Variants in DMD observed in about 807,000 individuals in gnomAD.
The protein encoded by DMD is mutant dystrophin.
DMD carries 63 observed loss-of-function variants against 330.1 expected under a neutral mutation model. That is an observed-to-expected ratio of 0.19 (90% CI 0.16 to 0.24). The LOEUF (loss-of-function observed/expected upper bound fraction) is 0.24, where lower values mean the gene tolerates loss of function less well. Among genes scored for constraint, DMD ranks in the 10% least tolerant of loss-of-function variants. The pLI is 1.00. For synonymous variants in DMD, 1,223 were observed against 959.8 expected (o/e 1.27, Z -5.07); for missense variants, 3,344 against 2,684.1 (o/e 1.25, Z -5.43).
intron 43 of DMD, among the ~76,000 whole-genome samples, chrX:32,234,778 G>T: frequency 9.0e-6 from 1 of 110,910 alleles, no homozygotes; most frequent in African/African-American, 3.3e-5. Context: ...AATTCATAAG[G>T]TTTCTTTATT....
chrX:31,867,355 T>C (rs1033657938), intron 48 of DMD, among the ~76,000 whole-genome samples: 2 of 110,707 alleles, frequency 1.8e-5, no homozygotes, highest in Admixed American at 9.7e-5. Context: ...TTTACCGTCA[T>C]GTGGCCTTCT....
At chrX:32,828,486 GATACATCT>G (rs2078907043) in intron 4 of DMD, among the ~76,000 whole-genome samples, 1 of 109,071 alleles carries the variant, frequency 9.2e-6, no homozygotes, top group Non-Finnish European at 1.9e-5. Flanking sequence ...TGCTCTAGTA[GATACATCT>G]ATACATATAT....
chrX:31,771,141 T>TAACAAA (rs765074564), intron 51 of DMD, among the ~76,000 whole-genome samples: 149 of 111,385 alleles, frequency 1.3e-3, no homozygotes, highest in African/African-American at 4.8e-3. Context: ...CCTGAAATTA[T>TAACAAA]AACAAAATCC....
chrX:32,625,036 T>C (rs2058255395), intron 11 of DMD, among the ~76,000 whole-genome samples: 1 of 111,759 alleles, frequency 8.9e-6, no homozygotes, highest in South Asian at 3.8e-4. Context: ...CCGGGAGTGG[T>C]GGCACATGCC....
chrX:31,693,410 G>C (rs773466459), intron 52 of DMD, among the ~76,000 whole-genome samples: 4 of 111,260 alleles, frequency 3.6e-5, no homozygotes, highest in Non-Finnish European at 7.6e-5. Flanking sequence ...CTTAGTACTG[G>C]GAGTCCTAGC....
At chrX:32,856,154 C>A (rs909100494) in intron 2 of DMD, among the ~76,000 whole-genome samples, 2 of 111,819 alleles carry the variant, frequency 1.8e-5, no homozygotes, top group Non-Finnish European at 3.8e-5. Context: ...AACAGACAGG[C>A]AACATCAATG....
chrX:31,826,426 AAG>A (rs1362501426), intron 49 of DMD, among the ~76,000 whole-genome samples: 1 of 112,374 alleles, frequency 8.9e-6, no homozygotes, highest in African/African-American at 3.2e-5. Flanking sequence ...CTACTTTTTC[AAG>A]AGTTTGGTGT....
intron 12 of DMD, among the ~76,000 whole-genome samples, chrX:32,612,547 T>C (rs976887418): frequency 6.3e-5 from 7 of 111,395 alleles, no homozygotes; most frequent in African/African-American, 2.3e-4. Context: ...AGCCAACGGG[T>C]TGGACACCCC....
At chrX:33,295,531 T>G (rs5928228) in intron 1 of DMD, among the ~76,000 whole-genome samples, 1 of 110,494 alleles carries the variant, frequency 9.1e-6, no homozygotes, top group East Asian at 2.8e-4. Context: ...TAAATACAAA[T>G]AGTGACATAG....
intron 63 of DMD, among the ~76,000 whole-genome samples, chrX:31,225,369 T>C (rs2046475922): frequency 8.9e-6 from 1 of 112,654 alleles, no homozygotes. Context: ...TTAATTTTCC[T>C]AATTAATAGT....
chrX:33,072,138 C>T (rs1172212729), intron 1 of DMD, among the ~76,000 whole-genome samples: 4 of 112,202 alleles, frequency 3.6e-5, no homozygotes, highest in African/African-American at 1.3e-4. Flanking sequence ...TGGTCACAGG[C>T]CCAGCGCGGT....
intron 1 of DMD, among the ~76,000 whole-genome samples, chrX:33,064,057 T>C (rs145887153): frequency 0.02 from 2,278 of 111,550 alleles, 20 homozygotes; most frequent in Non-Finnish European, 0.032. Flanking sequence ...ATAGACATAA[T>C]TGATTGCCTT....
At position 32,821,443 on chromosome X, in the gene DMD, C is replaced by G. The variant is rs58609354; in HGVS notation, c.357+1852G>C. Among the ~76,000 whole-genome samples the G allele has an allele frequency of 8.3e-4, 59 of 71,297 alleles. 1 individual carries two copies. The highest frequency in any genetic ancestry group is 1.3e-3 in the Non-Finnish European group (49 of 36,776). The allele number at this position is 71,297 out of a possible 115,157, so 61.9% of individuals were successfully genotyped here. The stretch of plus-strand genomic sequence containing the variant: ...ACTAAAAATACAAAAAAAAATTAGC[C>G]GGGCGTGGTGGGGGGGCGCCTGTAG... On this transcript the variant is annotated intron_variant, in intron 5 of 78. Coordinates refer to ENST00000357033, the MANE Select transcript of DMD (RefSeq NM_004006.3).
intron 44 of DMD, chrX:32,205,943 T>C (rs1217996536): frequency 1.5e-5 from 6 of 391,232 alleles, no homozygotes; most frequent in Non-Finnish European, 2.8e-5. Context: ...ACTATCTTTT[T>C]GGTTGTGAAC....
intron 2 of DMD, among the ~76,000 whole-genome samples, chrX:32,937,815 G>A (rs759719136): frequency 1.8e-5 from 2 of 110,314 alleles, no homozygotes; most frequent in African/African-American, 6.6e-5. Flanking sequence ...AAGCACTGAG[G>A]TAACCAATAT....
At chrX:32,569,282 A>C (rs1053906952) in intron 15 of DMD, among the ~76,000 whole-genome samples, 4 of 112,111 alleles carry the variant, frequency 3.6e-5, no homozygotes, top group African/African-American at 1.3e-4. Flanking sequence ...AGGAATACGC[A>C]TAAGAGAATA....
At chrX:31,500,307 C>T (rs2070311461) in intron 56 of DMD, among the ~76,000 whole-genome samples, 1 of 112,380 alleles carries the variant, frequency 8.9e-6, no homozygotes, top group Non-Finnish European at 1.9e-5. Flanking sequence ...ATTCTATCAA[C>T]AATCTCTGCT....
intron 9 of DMD, among the ~76,000 whole-genome samples, chrX:32,685,709 G>A (rs1036502730): frequency 7.2e-5 from 8 of 111,564 alleles, no homozygotes; most frequent in African/African-American, 2.3e-4. Flanking sequence ...ACATAAAAGA[G>A]GAACATGACT....
At chrX:32,731,062 C>A (rs778157588) in intron 7 of DMD, among the ~76,000 whole-genome samples, 1 of 111,373 alleles carries the variant, frequency 9.0e-6, no homozygotes, top group Admixed American at 9.4e-5. Flanking sequence ...GTGCACCGTG[C>A]GCGACCCGAA....
Sources: gnomAD v4.1 joint callset for allele counts (sites outside exome capture counted in the v4.1 genomes callset) on GRCh38, gnomAD v4.1.1 for gene constraint, MANE v1.5 for transcripts, NCBI Gene and HGNC (gene_info 2026-07-23, HGNC 2026-07-21) for gene names.